The following IGSF21 variants were observed in gnomAD, a reference collection of about 807,000 sequenced individuals.
IGSF21 encodes immunoglobulin superfamily member 21.
Under a neutral mutation model 46.8 loss-of-function variants are expected in IGSF21, and 28 were observed. That is an observed-to-expected ratio of 0.60 (90% CI 0.44 to 0.82). The LOEUF (loss-of-function observed/expected upper bound fraction) is 0.82. Ranked by LOEUF, IGSF21 falls within the 40% of genes least tolerant of loss-of-function variation. The pLI is 0.00. For synonymous variants in IGSF21, 284 were observed against 273.6 expected (o/e 1.04, Z -0.38); for missense variants, 624 against 665.5 (o/e 0.94, Z 0.69).
chr1:18,327,108 T>C (rs1161542312), intron 3 of IGSF21, among the ~76,000 whole-genome samples: 1 of 152,182 alleles, frequency 6.6e-6, no homozygotes, highest in Non-Finnish European at 1.5e-5. Context: ...AGCTCCCCAT[T>C]CTTCCTCTCC....
rs954954884 is a variant in IGSF21 at position 18,245,894 on chromosome 1, G to A, written c.183+17884G>A. ...AACACATTAACCCTCAGGTCAGGCT[G>A]CCTCCTGACCGATGACTCTCCCCTT... On this transcript the variant is annotated intron_variant, in intron 2 of 9. Transcript: ENST00000251296. Among the ~76,000 whole-genome samples, 18 of 152,186 alleles carry A rather than the reference G, an allele frequency of 1.2e-4. No individual in the cohort carries two copies. The South Asian group carries it at 2.7e-3, about 23-fold the overall frequency.
chr1:18,304,682 T>A (rs2085393703), intron 3 of IGSF21, among the ~76,000 whole-genome samples: 1 of 149,092 alleles, frequency 6.7e-6, no homozygotes, highest in East Asian at 2.0e-4. Flanking sequence ...AAACCAGAGC[T>A]GTTGGAAATT....
intron 2 of IGSF21, among the ~76,000 whole-genome samples, chr1:18,268,661 G>A (rs11260967): frequency 0.17 from 25,231 of 152,246 alleles, 2,271 homozygotes; most frequent in Middle Eastern, 0.21. Context: ...AGTGGGGGAA[G>A]TTATTTGTCA....
At chr1:18,291,005 A>AACTGC (rs1354033205) in intron 2 of IGSF21, among the ~76,000 whole-genome samples, 1 of 152,168 alleles carries the variant, frequency 6.6e-6, no homozygotes, top group Non-Finnish European at 1.5e-5. Context: ...CAAGCGGAAA[A>AACTGC]ACTGCAGCCG....
Position 18,200,290 on chromosome 1 carries a change from T to C in IGSF21, c.71-27608T>C, listed in dbSNP as rs1480598709. Among the ~76,000 whole-genome samples, 5 of 152,228 alleles carry C rather than the reference T, an allele frequency of 3.3e-5. No individual in the cohort carries two copies. The South Asian group carries it at 8.3e-4, about 25-fold the overall frequency. On this transcript the variant is annotated intron_variant, in intron 1 of 9. Coordinates refer to ENST00000251296, the MANE Select transcript of IGSF21 (RefSeq NM_032880.5). ...ATCTAGGGAAATGCCTGGGGCTTAG[T>C]AGGTAGACAGCGCCCCCCTTTGCTT... is the stretch of plus-strand genomic sequence containing the variant.
Position 18,376,999 on chromosome 1 carries a change from C to T in IGSF21, c.1294+7C>T, listed in dbSNP as rs201997938. ...ACCCGGCTCATCGTGTTTGGTATGG[C>T]GCGCTCAACTGGGGACTGGGAGAAC... On this transcript the variant is annotated splice_region_variant and intron_variant, in intron 8 of 9. Transcript: ENST00000251296. 227 of 1,583,164 alleles carry T rather than the reference C, an allele frequency of 1.4e-4. No individual in the cohort carries two copies. The highest frequency in any genetic ancestry group is 1.9e-4 in the Non-Finnish European group (217 of 1,158,402).
rs538296668 is a variant in IGSF21, at chr1:18,290,685, G to A, written c.184-1181G>A. Among the ~76,000 whole-genome samples the A allele has an allele frequency of 2.0e-5, 3 of 152,286 alleles. No homozygotes were observed. The highest frequency in any genetic ancestry group is 3.9e-4 in the East Asian group (2 of 5,166). On this transcript the variant is annotated intron_variant, in intron 2 of 9. Transcript: ENST00000251296. The surrounding 1 kb of genome is among the most constrained non-coding windows in gnomAD (Gnocchi z 4.2). ...CTTGGGTACATATGTGTCCAGAGGA[G>A]CCCAGCTGTGTCTAGGGCCAGTACT...
At chr1:18,200,459 T>C (rs2087060843) in intron 1 of IGSF21, among the ~76,000 whole-genome samples, 1 of 152,120 alleles carries the variant, frequency 6.6e-6, no homozygotes, top group African/African-American at 2.4e-5. Context: ...GAATAATCCA[T>C]CCTGGTGCCT....
In IGSF21 at chr1:18,273,504, CTTT is replaced by C. The variant is rs1557618649; in HGVS notation, c.184-18361_184-18359del. On this transcript the variant is annotated intron_variant, in intron 2 of 9. Coordinates refer to ENST00000251296, the MANE Select transcript of IGSF21 (RefSeq NM_032880.5). ...TCTTTCTTTCTTTCTTTCTTTCTTTCTTTCTTTCTTTCTTTCGTCTTTCTTTAC... is the reference window on the plus strand; with the variant it reads ...TCTTTCTTTCTTTCTTTCTTTCTTTCCTTTCTTTCTTTCGTCTTTCTTTAC... Among the ~76,000 whole-genome samples the C allele has an allele frequency of 2.8e-3, 179 of 62,852 alleles. 11 individuals are homozygous for C. The highest frequency in any genetic ancestry group is 9.7e-3 in the African/African-American group (172 of 17,706). 41.2% of individuals were successfully genotyped at this position (62,852 alleles called of 152,430 possible).
intron 1 of IGSF21, among the ~76,000 whole-genome samples, chr1:18,195,261 T>C (rs12023073): frequency 0.29 from 44,774 of 151,836 alleles, 7,196 homozygotes; most frequent in South Asian, 0.36. Context: ...GATGAGAGTC[T>C]TCACTCACTC....
Position 18,242,445 on chromosome 1 carries a change from A to G in IGSF21, c.183+14435A>G, listed in dbSNP as rs114890399. Among the ~76,000 whole-genome samples the G allele has an allele frequency of 1.7e-3, 252 of 152,312 alleles. 1 individual carries two copies. Among genetic ancestry groups the G allele is most frequent in the African/African-American group, 6.0e-3 (249 of 41,564 alleles). ...CTGAATTGGATACCATTCTTCAAGA[A>G]AGGAAGTTGTATTATTATTATTTTA... On this transcript the variant is annotated intron_variant, in intron 2 of 9. Coordinates refer to ENST00000251296, the MANE Select transcript of IGSF21 (RefSeq NM_032880.5).
At chr1:18,311,226 G>A (rs2085485722) in intron 3 of IGSF21, among the ~76,000 whole-genome samples, 1 of 152,084 alleles carries the variant, frequency 6.6e-6, no homozygotes, top group Non-Finnish European at 1.5e-5. Flanking sequence ...CAGCTGCAAG[G>A]ATGACTCCCT....
At chr1:18,170,281 G>A (rs2086724302) in intron 1 of IGSF21, among the ~76,000 whole-genome samples, 1 of 152,100 alleles carries the variant, frequency 6.6e-6, no homozygotes, top group South Asian at 2.1e-4. Context: ...GCTAGCTAAG[G>A]AATGGGGTCT....
intron 4 of IGSF21, among the ~76,000 whole-genome samples, chr1:18,353,719 C>A (rs2085984614): frequency 6.6e-6 from 1 of 152,178 alleles, no homozygotes; most frequent in South Asian, 2.1e-4. Flanking sequence ...GGGGAAGCTG[C>A]ACATGCAAAG....
At chr1:18,194,455 T>A (rs553861728) in intron 1 of IGSF21, among the ~76,000 whole-genome samples, 4 of 152,182 alleles carry the variant, frequency 2.6e-5, no homozygotes, top group Non-Finnish European at 5.9e-5. Context: ...GGCCATACTC[T>A]CTCTGAAGGC....
intron 6 of IGSF21, among the ~76,000 whole-genome samples, chr1:18,372,463 T>C (rs1218859917): frequency 6.6e-6 from 1 of 152,114 alleles, no homozygotes; most frequent in Non-Finnish European, 1.5e-5. Context: ...TTGGATGGAT[T>C]GTTGGATGTT....
intron 1 of IGSF21, among the ~76,000 whole-genome samples, chr1:18,170,784 C>T (rs16861658): frequency 0.11 from 16,038 of 151,964 alleles, 1,471 homozygotes; most frequent in African/African-American, 0.24. Flanking sequence ...GCTGGGCACA[C>T]GCCCTCCTGT....
At chr1:18,297,668 G>T (rs779795170) in intron 3 of IGSF21, among the ~76,000 whole-genome samples, 5 of 152,068 alleles carry the variant, frequency 3.3e-5, no homozygotes, top group Non-Finnish European at 5.9e-5. Flanking sequence ...ATATAAAATG[G>T]CACAGCATCT....
chr1:18,295,188 T>G (rs1391046951), intron 3 of IGSF21, among the ~76,000 whole-genome samples: 1 of 152,178 alleles, frequency 6.6e-6, no homozygotes, highest in Non-Finnish European at 1.5e-5. Context: ...TGTGTATCCC[T>G]GGTTGTATGA....
Sources: allele counts gnomAD v4.1 joint callset (sites outside exome capture counted in the v4.1 genomes callset), GRCh38; gene constraint gnomAD v4.1.1; non-coding constraint Gnocchi (gnomAD v3.1); transcripts MANE v1.5; gene names NCBI Gene and HGNC (gene_info 2026-07-23, HGNC 2026-07-21).